Variants in ASAP1 observed in about 807,000 individuals in gnomAD.
The protein encoded by ASAP1 is arf-GAP with SH3 domain, ANK repeat and PH domain-containing protein 1.
A neutral mutation model predicts 145.2 loss-of-function variants in ASAP1; 43 were observed. The ratio of observed to expected loss-of-function variants is 0.30; its 90% CI spans 0.23 to 0.38. The LOEUF is 0.38. Ranked by LOEUF, ASAP1 falls within the 10% of genes least tolerant of loss-of-function variation. The probability of loss-of-function intolerance (pLI) is 1.00; values close to 1 mark genes in which losing one functional copy is unlikely to be tolerated. For missense variants in ASAP1, 1,018 were observed against 1,355.3 expected (o/e 0.75, Z 3.91); for synonymous variants, 546 against 515.5 (o/e 1.06, Z -0.80).
intron 4 of ASAP1, among the ~76,000 whole-genome samples, chr8:130,229,697 T>C (rs1027377479): frequency 5.3e-5 from 8 of 152,234 alleles, no homozygotes; most frequent in Admixed American, 5.2e-4. Flanking sequence ...TACATTTTTA[T>C]ATTCACCTTT....
chr8:130,276,726 ACACTCT>A (rs1223060192), intron 3 of ASAP1, among the ~76,000 whole-genome samples: 39 of 91,828 alleles, frequency 4.2e-4, no homozygotes, highest in East Asian at 1.6e-3. Context: ...ACACACACAC[ACACTCT>A]CTCTCTCTCT....
At chr8:130,243,793 A>C (rs183706501) in intron 3 of ASAP1, among the ~76,000 whole-genome samples, 1 of 152,108 alleles carries the variant, frequency 6.6e-6, no homozygotes, top group Admixed American at 6.5e-5. Flanking sequence ...TGATGGTCCA[A>C]CTCCCAGTCA....
intron 27 of ASAP1, among the ~76,000 whole-genome samples, chr8:130,075,376 T>G (rs983757750): frequency 1.6e-4 from 24 of 152,190 alleles, no homozygotes; most frequent in African/African-American, 5.8e-4. Context: ...CAAAGTGTGT[T>G]ACTTCACTGA....
At chr8:130,201,381 A>G (rs1252128624) in intron 5 of ASAP1, among the ~76,000 whole-genome samples, 2 of 152,364 alleles carry the variant, frequency 1.3e-5, no homozygotes, top group African/African-American at 2.4e-5. Flanking sequence ...ATTTACTCAT[A>G]AAGTACATTT....
intron 2 of ASAP1, among the ~76,000 whole-genome samples, chr8:130,388,299 C>T (rs576331703): frequency 2.0e-4 from 30 of 152,122 alleles, no homozygotes; most frequent in Admixed American, 6.5e-5. Flanking sequence ...TTGTAGGCCA[C>T]GGTAAGAAAT....
At chr8:130,439,440 T>C (rs1255105991) in intron 1 of ASAP1, among the ~76,000 whole-genome samples, 4 of 152,314 alleles carry the variant, frequency 2.6e-5, no homozygotes, top group African/African-American at 9.6e-5. Context: ...CTTACCCTAA[T>C]GTAATGCAAT....
At chr8:130,290,095 T>C (rs761171860) in intron 3 of ASAP1, among the ~76,000 whole-genome samples, 12 of 152,142 alleles carry the variant, frequency 7.9e-5, no homozygotes, top group Non-Finnish European at 1.5e-4. Flanking sequence ...GTATCTCCAA[T>C]ACTAGCACAG....
chr8:130,265,450 A>G (rs1190550238), intron 3 of ASAP1, among the ~76,000 whole-genome samples: 1 of 151,876 alleles, frequency 6.6e-6, no homozygotes, highest in Non-Finnish European at 1.5e-5. Flanking sequence ...GTACACACCT[A>G]CAGTCCCAGT....
chr8:130,302,539 T>C (rs1375981424), intron 3 of ASAP1, among the ~76,000 whole-genome samples: 1 of 152,206 alleles, frequency 6.6e-6, no homozygotes, highest in African/African-American at 2.4e-5. Context: ...AGGCCTCTAA[T>C]GGGCACTGAA....
intron 4 of ASAP1, among the ~76,000 whole-genome samples, chr8:130,235,362 C>T (rs1267503831): frequency 6.6e-6 from 1 of 152,046 alleles, no homozygotes; most frequent in African/African-American, 2.4e-5. Context: ...CTAAGTTCAG[C>T]ATCTGATGAA....
intron 5 of ASAP1, among the ~76,000 whole-genome samples, chr8:130,196,856 T>G (rs1485742029): frequency 6.6e-6 from 1 of 152,224 alleles, no homozygotes; most frequent in Non-Finnish European, 1.5e-5. Context: ...GTCTAGTATA[T>G]TAACTCCTTC....
Position 130,078,047 on chromosome 8 carries a change from T to C in ASAP1, c.2643-1641A>G, listed in dbSNP as rs180891676. ...CGCTGTCACCTAGGCTGGAGTGCAGTGGCGTGATCTCGGTTCACTGCAACC... is the reference window on the plus strand; with the variant it reads ...CGCTGTCACCTAGGCTGGAGTGCAGCGGCGTGATCTCGGTTCACTGCAACC... On this transcript the variant is annotated intron_variant, in intron 26 of 29. Transcript: ENST00000518721. 5.3e-5 allele frequency among the ~76,000 whole-genome samples: 8 copies of C among 151,986 alleles called. No homozygotes were observed. The East Asian group carries it at 1.6e-3, about 29-fold the overall frequency.
intron 1 of ASAP1, among the ~76,000 whole-genome samples, chr8:130,406,632 C>T (rs146575529): frequency 2.1e-3 from 324 of 152,198 alleles, no homozygotes; most frequent in African/African-American, 7.5e-3. Flanking sequence ...CAGGCATGTG[C>T]CACCATGCCC....
intron 3 of ASAP1, among the ~76,000 whole-genome samples, chr8:130,321,193 A>G (rs1035478013): frequency 1.3e-5 from 2 of 152,190 alleles, no homozygotes; most frequent in African/African-American, 4.8e-5. Flanking sequence ...CATGGATTAT[A>G]GTGAATAAGC....
At chr8:130,143,093 G>C (rs1248568234) in intron 13 of ASAP1, among the ~76,000 whole-genome samples, 2 of 152,182 alleles carry the variant, frequency 1.3e-5, no homozygotes. Flanking sequence ...GCAGAAATTT[G>C]AATGGTGAAT....
intron 5 of ASAP1, among the ~76,000 whole-genome samples, chr8:130,209,838 C>T (rs761712291): frequency 3.3e-5 from 5 of 151,958 alleles, no homozygotes; most frequent in Non-Finnish European, 4.4e-5. Context: ...GTTATTCGGA[C>T]TCCAGTATTT....
At chr8:130,353,397 C>T (rs1266250990) in intron 3 of ASAP1, among the ~76,000 whole-genome samples, 1 of 152,210 alleles carries the variant, frequency 6.6e-6, no homozygotes, top group African/African-American at 2.4e-5. Flanking sequence ...CTATTAAGAA[C>T]TCTGAAATAT....
chr8:130,217,753 C>T (rs895178636), intron 4 of ASAP1, among the ~76,000 whole-genome samples: 4 of 152,088 alleles, frequency 2.6e-5, no homozygotes, highest in African/African-American at 7.2e-5. Flanking sequence ...TCTGAAATAG[C>T]GTAGGATGTT....
intron 3 of ASAP1, among the ~76,000 whole-genome samples, chr8:130,263,363 G>C (rs1820055603): frequency 6.6e-6 from 1 of 152,202 alleles, no homozygotes; most frequent in Admixed American, 6.5e-5. Flanking sequence ...TGACAGAGAA[G>C]AGACCATGAT....
Sources: gnomAD v4.1 joint callset for allele counts (sites outside exome capture counted in the v4.1 genomes callset) on GRCh38, gnomAD v4.1.1 for gene constraint, MANE v1.5 for transcripts, NCBI Gene and HGNC (gene_info 2026-07-23, HGNC 2026-07-21) for gene names.